Variants in IGF1R observed in about 807,000 individuals in gnomAD.
The protein encoded by IGF1R is insulin-like growth factor 1 receptor.
In IGF1R, 44 loss-of-function variants were observed where a neutral mutation model predicts 144.6. The ratio of observed to expected loss-of-function variants is 0.30; its 90% confidence interval spans 0.24 to 0.39. The LOEUF (loss-of-function observed/expected upper bound fraction) is 0.39, where lower values mean the gene tolerates loss of function less well. Among genes scored for constraint, IGF1R ranks in the 10% least tolerant of loss-of-function variants. The pLI is 1.00. For missense variants in IGF1R, 1,355 were observed against 1,833.7 expected, an observed-to-expected ratio of 0.74 and a Z score of 4.77; for synonymous variants, 795 against 722.8, an observed-to-expected ratio of 1.10 and a Z score of -1.60.
intron 2 of IGF1R, among the ~76,000 whole-genome samples, chr15:98,764,007 A>C (rs546425453): frequency 6.6e-6 from 1 of 152,296 alleles, no homozygotes; most frequent in African/African-American, 2.4e-5. Context: ...TAGCTTTTCA[A>C]TTCTCTTGAA....
At chr15:98,932,018 T>C (rs764324915) in intron 15 of IGF1R, among the ~76,000 whole-genome samples, 1 of 152,248 alleles carries the variant, frequency 6.6e-6, no homozygotes, top group Non-Finnish European at 1.5e-5. Flanking sequence ...GAAGCTATTC[T>C]GCTTTGAAAT....
At chr15:98,787,073 ATT>A (rs2056015686) in intron 2 of IGF1R, among the ~76,000 whole-genome samples, 2 of 152,144 alleles carry the variant, frequency 1.3e-5, no homozygotes, top group Non-Finnish European at 2.9e-5. Flanking sequence ...CCCCTTCGTA[ATT>A]GGTCATGAGA....
intron 2 of IGF1R, among the ~76,000 whole-genome samples, chr15:98,788,712 C>T (rs2141410748): frequency 6.6e-6 from 1 of 152,356 alleles, no homozygotes; most frequent in Admixed American, 6.5e-5. Flanking sequence ...CCAGTGAGGC[C>T]TGTCCTAATC....
chr15:98,668,713 A>G (rs1282646211), intron 1 of IGF1R, among the ~76,000 whole-genome samples: 3 of 152,204 alleles, frequency 2.0e-5, no homozygotes, highest in Non-Finnish European at 2.9e-5. Flanking sequence ...ACTCTGTTCC[A>G]TGTAAGTACA....
chr15:98,763,282 T>G (rs1030698473), intron 2 of IGF1R, among the ~76,000 whole-genome samples: 1 of 152,150 alleles, frequency 6.6e-6, no homozygotes, highest in African/African-American at 2.4e-5. Flanking sequence ...TTTGTTCCAG[T>G]CTGGCTTTGT....
intron 2 of IGF1R, among the ~76,000 whole-genome samples, chr15:98,780,322 G>A (rs1315617361): frequency 5.9e-5 from 9 of 151,684 alleles, no homozygotes; most frequent in Admixed American, 2.6e-4. Flanking sequence ...AGGCTGAGGC[G>A]GGTGGATCAC....
At chr15:98,661,956 C>CCTTTTTTTTTTTTT (rs2052610259) in intron 1 of IGF1R, among the ~76,000 whole-genome samples, 1 of 105,750 alleles carries the variant, frequency 9.5e-6, no homozygotes, top group Non-Finnish European at 1.8e-5. Flanking sequence ...GAATAGGGCC[C>CCTTTTTTTTTTTTT]TTTTTTTTTT....
At chr15:98,667,570 CTG>C (rs1279584542) in intron 1 of IGF1R, among the ~76,000 whole-genome samples, 6 of 152,180 alleles carry the variant, frequency 3.9e-5, no homozygotes, top group Admixed American at 1.3e-4. Context: ...CAGATACTCT[CTG>C]GGGCTATTTT....
At chr15:98,766,014 TA>T (rs2055429137) in intron 2 of IGF1R, among the ~76,000 whole-genome samples, 1 of 152,112 alleles carries the variant, frequency 6.6e-6, no homozygotes, top group Non-Finnish European at 1.5e-5. Flanking sequence ...GGACCTGGGT[TA>T]GGGCAGGAGG....
chr15:98,728,946 A>C (rs1218503080), intron 2 of IGF1R, among the ~76,000 whole-genome samples: 2 of 152,244 alleles, frequency 1.3e-5, no homozygotes, highest in Non-Finnish European at 2.9e-5. Flanking sequence ...TCTCAGCTAC[A>C]CGACTGTGGA....
chr15:98,853,796 C>T (rs930652225), intron 2 of IGF1R, among the ~76,000 whole-genome samples: 1 of 152,160 alleles, frequency 6.6e-6, no homozygotes, highest in Non-Finnish European at 1.5e-5. Flanking sequence ...AGTGATGGGG[C>T]ACTTGGGGAG....
At chr15:98,702,008 A>G (rs940615651) in intron 1 of IGF1R, among the ~76,000 whole-genome samples, 1 of 134,562 alleles carries the variant, frequency 7.4e-6, no homozygotes, top group Admixed American at 7.7e-5. Flanking sequence ...GGTAAATGGC[A>G]CTCTGGGCTC....
chr15:98,687,487 CAG>C (rs1454191975), intron 1 of IGF1R, among the ~76,000 whole-genome samples: 1 of 152,220 alleles, frequency 6.6e-6, no homozygotes, highest in Non-Finnish European at 1.5e-5. Flanking sequence ...GGTCAAATCA[CAG>C]AGTCTTAGGC....
At chr15:98,661,295 A>G (rs548295385) in intron 1 of IGF1R, among the ~76,000 whole-genome samples, 2 of 152,236 alleles carry the variant, frequency 1.3e-5, no homozygotes, top group Admixed American at 6.5e-5. Flanking sequence ...GGCCTTTGAC[A>G]GTGTCCTGGT....
At chr15:98,852,996 C>G (rs969219158) in intron 2 of IGF1R, among the ~76,000 whole-genome samples, 2 of 152,192 alleles carry the variant, frequency 1.3e-5, no homozygotes, top group African/African-American at 4.8e-5. Flanking sequence ...AAATGCCGCC[C>G]TTCCTCTTTA....
rs2056038868 is a variant in IGF1R, at chr15:98,788,033, GAT to G, written c.640+79927_640+79928del. On this transcript the variant is annotated intron_variant, in intron 2 of 20. Transcript: ENST00000650285. ...AGGCCACGTTCCTATGGTGGGTAGG[GAT>G]CTCTCTCTCTCTCTCTCTCTCTCTC... is the stretch of plus-strand genomic sequence containing the variant. 7.0e-5 allele frequency among the ~76,000 whole-genome samples: 5 copies of G among 71,368 alleles called. No individual in the cohort carries two copies. The South Asian group carries it at 3.2e-3, about 45-fold the overall frequency. The allele number at this position is 71,368 out of a possible 152,430, so 46.8% of individuals were successfully genotyped here. A position where few individuals can be genotyped will look rare whatever the true frequency, so the allele number is the denominator to read the frequency against.
At chr15:98,682,218 T>C (rs948562328) in intron 1 of IGF1R, among the ~76,000 whole-genome samples, 3 of 152,202 alleles carry the variant, frequency 2.0e-5, no homozygotes, top group African/African-American at 7.2e-5. Flanking sequence ...ATATTAGGAC[T>C]CTTTGGTCTC....
At chr15:98,672,655 T>G (rs1173068771) in intron 1 of IGF1R, among the ~76,000 whole-genome samples, 1 of 151,782 alleles carries the variant, frequency 6.6e-6, no homozygotes, top group Non-Finnish European at 1.5e-5. Flanking sequence ...TTTCTTCCGG[T>G]CTCATTTGTG....
intron 1 of IGF1R, among the ~76,000 whole-genome samples, chr15:98,650,415 G>A (rs532200817): frequency 2.6e-5 from 4 of 152,362 alleles, no homozygotes; most frequent in South Asian, 2.1e-4. Flanking sequence ...CCCCCGGGAA[G>A]TGCGAGGCCG....
Sources: allele counts gnomAD v4.1 joint callset (sites outside exome capture counted in the v4.1 genomes callset), GRCh38; gene constraint gnomAD v4.1.1; transcripts MANE v1.5; gene names NCBI Gene and HGNC (gene_info 2026-07-23, HGNC 2026-07-21).